GRM3: variants seen among roughly 807,000 people sequenced by gnomAD.
GRM3 encodes glutamate metabotropic receptor 3.
Under a neutral mutation model 70.5 loss-of-function variants are expected in GRM3, and 26 were observed. That is an observed-to-expected ratio of 0.37 (90% CI 0.27 to 0.51). The LOEUF (loss-of-function observed/expected upper bound fraction) is 0.51. Ranked by LOEUF, GRM3 falls within the 20% of genes least tolerant of loss-of-function variation. The pLI is 0.93. For missense variants in GRM3, 859 were observed against 1,123.8 expected (o/e 0.76, Z 3.37); for synonymous variants, 443 against 434.9 (o/e 1.02, Z -0.23).
intron 2 of GRM3, among the ~76,000 whole-genome samples, chr7:86,780,172 C>T (rs1005468347): frequency 1.3e-5 from 2 of 152,012 alleles, no homozygotes; most frequent in East Asian, 1.9e-4. Flanking sequence ...TGAATAGTGC[C>T]GCAATAAACA....
At chr7:86,670,410 C>T (rs997452396) in intron 1 of GRM3, among the ~76,000 whole-genome samples, 4 of 152,172 alleles carry the variant, frequency 2.6e-5, no homozygotes, top group Non-Finnish European at 5.9e-5. Flanking sequence ...TTTCCAAATG[C>T]CTGTCAATTT....
intron 1 of GRM3, among the ~76,000 whole-genome samples, chr7:86,673,489 C>T (rs531053121): frequency 6.6e-6 from 1 of 152,248 alleles, no homozygotes; most frequent in East Asian, 1.9e-4. Context: ...AAGTTTCTCT[C>T]ACTACCTCTT....
At chr7:86,766,153 G>A (rs1796596203) in intron 2 of GRM3, among the ~76,000 whole-genome samples, 1 of 152,092 alleles carries the variant, frequency 6.6e-6, no homozygotes, top group Non-Finnish European at 1.5e-5. Context: ...AGTATGCCCT[G>A]CCCACAGGAC....
At chr7:86,668,035 C>A (rs549815394) in intron 1 of GRM3, among the ~76,000 whole-genome samples, 4 of 152,086 alleles carry the variant, frequency 2.6e-5, no homozygotes, top group Admixed American at 6.6e-5. Context: ...AGTCTGACCC[C>A]GTTTGGTGGG....
intron 1 of GRM3, among the ~76,000 whole-genome samples, chr7:86,653,249 C>G (rs1793651581): frequency 6.6e-6 from 1 of 152,180 alleles, no homozygotes; most frequent in Non-Finnish European, 1.5e-5. Context: ...TTTTGTAAAC[C>G]TGATCATCTC....
rs538904259 is a variant in GRM3 at position 86,748,616 on chromosome 7, T to C, written c.-140-16390T>C. On this transcript the variant is annotated intron_variant, in intron 1 of 5. Transcript: ENST00000361669. ...AGCCTGGATGATACCGGAGGCTTTC[T>C]TACTAAAACATTTTATAATCTATAA... 9.2e-5 allele frequency among the ~76,000 whole-genome samples: 14 copies of C among 152,202 alleles called. 1 individual carries two copies. The highest frequency in any genetic ancestry group is 3.4e-4 in the African/African-American group (14 of 41,564).
At chr7:86,808,799 A>C (rs1173871425) in intron 3 of GRM3, among the ~76,000 whole-genome samples, 1 of 152,064 alleles carries the variant, frequency 6.6e-6, no homozygotes, top group Non-Finnish European at 1.5e-5. Context: ...ATAACAAGGC[A>C]TAAGGTGTGA....
At chr7:86,759,189 T>C (rs888711152) in intron 1 of GRM3, among the ~76,000 whole-genome samples, 1 of 152,138 alleles carries the variant, frequency 6.6e-6, no homozygotes, top group African/African-American at 2.4e-5. Context: ...TTGTTTTCCA[T>C]TCCTCCTAAC....
intron 1 of GRM3, among the ~76,000 whole-genome samples, chr7:86,691,173 T>C (rs1370618898): frequency 6.6e-6 from 1 of 152,174 alleles, no homozygotes; most frequent in East Asian, 1.9e-4. Context: ...CCAAATCAGA[T>C]ATAAAATCTA....
chr7:86,752,338 C>T (rs931352527), intron 1 of GRM3, among the ~76,000 whole-genome samples: 1 of 151,970 alleles, frequency 6.6e-6, no homozygotes, highest in Non-Finnish European at 1.5e-5. Flanking sequence ...CATACACATG[C>T]CATAATTTTA....
intron 2 of GRM3, among the ~76,000 whole-genome samples, chr7:86,780,331 AC>A (rs1797014720): frequency 6.6e-6 from 1 of 152,164 alleles, no homozygotes; most frequent in South Asian, 2.1e-4. Flanking sequence ...GTACCCTAAA[AC>A]TTAAAGTATA....
intron 1 of GRM3, among the ~76,000 whole-genome samples, chr7:86,744,417 C>T (rs1796057323): frequency 6.6e-6 from 1 of 151,738 alleles, no homozygotes; most frequent in Admixed American, 6.6e-5. Context: ...TTGCAGAGGG[C>T]TATCTTACAG....
At chr7:86,706,649 A>G (rs1795063794) in intron 1 of GRM3, among the ~76,000 whole-genome samples, 1 of 152,042 alleles carries the variant, frequency 6.6e-6, no homozygotes, top group Admixed American at 6.6e-5. Flanking sequence ...TCCGGGAGCT[A>G]AGAGCCAAGT....
chr7:86,802,264 A>G (rs75115286), intron 3 of GRM3, among the ~76,000 whole-genome samples: 8,170 of 152,068 alleles, frequency 0.054, 704 homozygotes, highest in African/African-American at 0.18. Context: ...CTACTCACAC[A>G]TTATTTTCCG....
intron 1 of GRM3, among the ~76,000 whole-genome samples, chr7:86,659,939 CAA>C (rs906132209): frequency 2.0e-5 from 3 of 151,928 alleles, no homozygotes; most frequent in Non-Finnish European, 2.9e-5. Context: ...TTCCCAGAAA[CAA>C]AAAGTCTCAG....
rs183789946 is a variant in GRM3 at position 86,761,342 on chromosome 7, C to T, written c.-140-3664C>T. On this transcript the variant is annotated intron_variant, in intron 1 of 5. Coordinates refer to ENST00000361669, the MANE Select transcript of GRM3 (RefSeq NM_000840.3). ...TAGGTCAGTTCAGGTCTACATCTCTCCTGGCTTCCTAGATGCCAGTCTCAG... is the reference window on the plus strand; with the variant it reads ...TAGGTCAGTTCAGGTCTACATCTCTTCTGGCTTCCTAGATGCCAGTCTCAG... Among the ~76,000 whole-genome samples the T allele has an allele frequency of 1.1e-4, 17 of 152,190 alleles. No homozygotes were observed. The East Asian group carries it at 2.9e-3, about 26-fold the overall frequency.
intron 1 of GRM3, among the ~76,000 whole-genome samples, chr7:86,652,311 G>GT (rs67196748): frequency 0.65 from 99,189 of 151,754 alleles, 32,758 homozygotes; most frequent in East Asian, 0.88. Flanking sequence ...ATTTTTGTTT[G>GT]TTTTTTGTTT....
chr7:86,678,272 AG>A (rs1349014679), intron 1 of GRM3, among the ~76,000 whole-genome samples: 3 of 152,074 alleles, frequency 2.0e-5, no homozygotes, highest in Non-Finnish European at 1.5e-5. Flanking sequence ...CACCTACAAA[AG>A]ATAGATAAAG....
chr7:86,837,784 T>C (rs1205527905), intron 3 of GRM3, among the ~76,000 whole-genome samples: 1 of 152,116 alleles, frequency 6.6e-6, no homozygotes, highest in Non-Finnish European at 1.5e-5. Flanking sequence ...ATAAACAATT[T>C]GGGGTCTATT....
Sources: gnomAD v4.1 joint callset for allele counts (sites outside exome capture counted in the v4.1 genomes callset) on GRCh38, gnomAD v4.1.1 for gene constraint, MANE v1.5 for transcripts, NCBI Gene and HGNC (gene_info 2026-07-23, HGNC 2026-07-21) for gene names.